Variants in AKAP6 observed in about 807,000 individuals in gnomAD.
The protein encoded by AKAP6 is A-kinase anchoring protein 6.
In AKAP6, 58 loss-of-function variants were observed where a neutral mutation model predicts 188.5. The observed-to-expected ratio is 0.31, with a 90% confidence interval of 0.25 to 0.38. The LOEUF is 0.38. Among genes scored for constraint, AKAP6 ranks in the 10% least tolerant of loss-of-function variants. The probability of loss-of-function intolerance (pLI) is 1.00; values close to 1 mark genes in which losing one functional copy is unlikely to be tolerated. For missense variants in AKAP6, 2,710 were observed against 2,740.0 expected (o/e 0.99, Z 0.24); for synonymous variants, 989 against 998.6 (o/e 0.99, Z 0.18).
In AKAP6 at chr14:32,675,315, A is replaced by G. The variant is rs537704101; in HGVS notation, c.2731-2996A>G. 3.0e-4 allele frequency among the ~76,000 whole-genome samples: 46 copies of G among 152,284 alleles called. 1 individual carries two copies. Among genetic ancestry groups the G allele is most frequent in the South Asian group, 2.3e-3 (11 of 4,830 alleles). ...AGTCTTCTTCCCCAACCCCCTATTT[A>G]ATGAGTAAGTTGCCAAAGTATTTTG... On this transcript the variant is annotated intron_variant, in intron 7 of 13. Transcript: ENST00000280979.
At chr14:32,825,490 T>G (rs2034651682) in intron 13 of AKAP6, among the ~76,000 whole-genome samples, 1 of 152,240 alleles carries the variant, frequency 6.6e-6, no homozygotes, top group African/African-American at 2.4e-5. Context: ...AATGGCGTTT[T>G]GATAAAAACA....
rs1882032444 is a variant in AKAP6, at chr14:32,524,688, AGATATATTTGTGT to A, written c.325-10865_325-10853del. Among the ~76,000 whole-genome samples, 3 of 152,318 alleles carry A rather than the reference AGATATATTTGTGT, an allele frequency of 2.0e-5. No homozygotes were observed. The South Asian group carries it at 6.2e-4, about 32-fold the overall frequency. ...GCACAAAGAATGTAAATTCTACTGT[AGATATATTTGTGT>A]AATATCAGTGGTGGGCTACCTTTCA... is the stretch of plus-strand genomic sequence containing the variant. On this transcript the variant is annotated intron_variant, in intron 2 of 13. Coordinates refer to ENST00000280979, the MANE Select transcript of AKAP6 (RefSeq NM_004274.5).
At chr14:32,455,891 G>A (rs1032877249) in intron 2 of AKAP6, among the ~76,000 whole-genome samples, 2 of 152,152 alleles carry the variant, frequency 1.3e-5, no homozygotes, top group African/African-American at 4.8e-5. Context: ...TACTGACTAT[G>A]CATCTGCCTA....
At chr14:32,404,691 G>GATATATATATATATATAT (rs55702209) in intron 1 of AKAP6, among the ~76,000 whole-genome samples, 946 of 44,378 alleles carry the variant, frequency 0.021, 136 homozygotes, top group South Asian at 0.075. Flanking sequence ...GGAGTCAGGA[G>GATATATATATATATATAT]ATATATATAT....
At chr14:32,355,505 T>A (rs1237663188) in intron 1 of AKAP6, among the ~76,000 whole-genome samples, 1 of 152,172 alleles carries the variant, frequency 6.6e-6, no homozygotes, top group Non-Finnish European at 1.5e-5. Context: ...TGTTTCTAAA[T>A]GTTTTGAATG....
intron 3 of AKAP6, among the ~76,000 whole-genome samples, chr14:32,543,862 A>C (rs1883072188): frequency 6.6e-6 from 1 of 152,182 alleles, no homozygotes; most frequent in Non-Finnish European, 1.5e-5. Flanking sequence ...GGCAGAAGAA[A>C]ATTTTAAGGA....
intron 9 of AKAP6, among the ~76,000 whole-genome samples, chr14:32,699,192 T>C (rs1157002153): frequency 6.6e-6 from 1 of 152,200 alleles, no homozygotes; most frequent in Non-Finnish European, 1.5e-5. Context: ...TTTTATATCC[T>C]GATTTGCACT....
At chr14:32,783,885 T>C (rs1318032411) in intron 12 of AKAP6, among the ~76,000 whole-genome samples, 1 of 152,146 alleles carries the variant, frequency 6.6e-6, no homozygotes, top group African/African-American at 2.4e-5. Flanking sequence ...GACAAAGCCT[T>C]CTTTAATGAT....
intron 2 of AKAP6, among the ~76,000 whole-genome samples, chr14:32,482,299 C>G (rs1879393073): frequency 1.3e-5 from 2 of 152,146 alleles, no homozygotes; most frequent in African/African-American, 4.8e-5. Flanking sequence ...CTGGCTACAT[C>G]TCCTATACTC....
intron 5 of AKAP6, among the ~76,000 whole-genome samples, chr14:32,598,428 T>C (rs114332315): frequency 2.0e-5 from 3 of 152,262 alleles, no homozygotes; most frequent in African/African-American, 7.2e-5. Flanking sequence ...ATCACAGAGA[T>C]GGAAAAATCT....
At chr14:32,485,717 C>T (rs1879648011) in intron 2 of AKAP6, among the ~76,000 whole-genome samples, 1 of 152,020 alleles carries the variant, frequency 6.6e-6, no homozygotes, top group Non-Finnish European at 1.5e-5. Context: ...GATATTAGCC[C>T]TTTGTCAGAT....
In AKAP6 at chr14:32,789,910, A is replaced by G. The variant is rs979261313; in HGVS notation, c.3588+16017A>G. Among the ~76,000 whole-genome samples the G allele has an allele frequency of 2.0e-5, 3 of 152,198 alleles. No individual in the cohort carries two copies. In the East Asian group the frequency reaches 5.8e-4, roughly 29 times the overall value. ...AGAAGTAGGCTTCAGGAGGTGGGTA[A>G]TAATGAATGTTGCTGAGCTACAGGA... On this transcript the variant is annotated intron_variant, in intron 12 of 13. Transcript: ENST00000280979.
At chr14:32,711,815 G>A (rs1316141825) in intron 9 of AKAP6, among the ~76,000 whole-genome samples, 3 of 151,932 alleles carry the variant, frequency 2.0e-5, no homozygotes, top group African/African-American at 7.3e-5. Flanking sequence ...ATGTGATAAA[G>A]CCCTGGAGAA....
intron 4 of AKAP6, among the ~76,000 whole-genome samples, chr14:32,557,655 G>C (rs1482317863): frequency 1.3e-5 from 2 of 152,160 alleles, no homozygotes; most frequent in Non-Finnish European, 2.9e-5. Context: ...TCTCTTATGA[G>C]TATCCTTATC....
chr14:32,545,346 T>C lies in AKAP6; in HGVS notation c.693T>C (p.Ser231=). ...GITAFELSDY[S]PSEDLLSGLG... ...CTGCATTCGAACTGTCTGACTACAG[T>C]CCAAGTGAGGATTTGCTCAGTGGGC... The change falls in exon 4 of 14, where the codon AGT becomes AGC. Residue 231 remains serine, a synonymous_variant. Coordinates refer to ENST00000280979, the MANE Select transcript of AKAP6 (RefSeq NM_004274.5). 6.2e-7 allele frequency: 1 copy of C among 1,614,176 alleles called. No homozygotes were observed. Among genetic ancestry groups the C allele is most frequent in the Non-Finnish European group, 8.5e-7 (1 of 1,180,014 alleles).
chr14:32,358,837 A>G (rs2138478091), intron 1 of AKAP6, among the ~76,000 whole-genome samples: 1 of 152,282 alleles, frequency 6.6e-6, no homozygotes, highest in South Asian at 2.1e-4. Flanking sequence ...TGTATTTTCA[A>G]TATTAAGCAG....
chr14:32,333,705 G>A (rs1330324426), intron 1 of AKAP6, among the ~76,000 whole-genome samples: 2 of 151,980 alleles, frequency 1.3e-5, no homozygotes, highest in African/African-American at 4.8e-5. Context: ...GACCAATATG[G>A]CAATTAGTAT....
chr14:32,352,103 T>TTGTGTGTGTG (rs398024717), intron 1 of AKAP6, among the ~76,000 whole-genome samples: 2 of 120,354 alleles, frequency 1.7e-5, no homozygotes, highest in African/African-American at 3.5e-5. Flanking sequence ...GTGTGTGTGT[T>TTGTGTGTGTG]TGTGTGTGTG....
chr14:32,391,078 A>T (rs1888699491), intron 1 of AKAP6, among the ~76,000 whole-genome samples: 1 of 152,174 alleles, frequency 6.6e-6, no homozygotes, highest in South Asian at 2.1e-4. Context: ...GTTCCCTGAG[A>T]CCCAGATGTC....
Sources: allele counts gnomAD v4.1 joint callset (sites outside exome capture counted in the v4.1 genomes callset), GRCh38; gene constraint gnomAD v4.1.1; transcripts MANE v1.5; gene names NCBI Gene and HGNC (gene_info 2026-07-23, HGNC 2026-07-21).